Variants in ZNF217 observed in about 807,000 individuals in gnomAD.
ZNF217 encodes the protein zinc finger protein 217.
In ZNF217, 12 loss-of-function variants were observed where a neutral mutation model predicts 73.3. The ratio of observed to expected loss-of-function variants is 0.16; its 90% CI spans 0.10 to 0.27. ZNF217 has a LOEUF of 0.27. Ranked by LOEUF, ZNF217 falls within the 10% of genes least tolerant of loss-of-function variation. ZNF217 has a pLI of 1.00. For synonymous variants in ZNF217, 588 were observed against 516.4 expected, an observed-to-expected ratio of 1.14 and a Z score of -1.88; for missense variants, 1,195 against 1,327.8, an observed-to-expected ratio of 0.90 and a Z score of 1.55.
Position 53,576,466 on chromosome 20 carries a change from A to G in ZNF217, c.2298T>C (p.Pro766=). 1 of 1,614,170 alleles carries G rather than the reference A, an allele frequency of 6.2e-7. No homozygotes were observed. ...TGGGTTTACAGAAACTAGAGAGGGG[A>G]GGCACATCTTTTCCCAGCAACGCTG... ...CPPALLGKDV[P]PLSSFCKPKP... The change falls in exon 4 of 6, where the codon CCT becomes CCC. Residue 766 remains proline, a synonymous_variant. Transcript: ENST00000371471.
Position 53,581,773 on chromosome 20 carries a change from T to G in ZNF217, c.1054A>C (p.Lys352Gln). 6.2e-7 allele frequency: 1 copy of G among 1,614,250 alleles called. No individual in the cohort carries two copies. Among genetic ancestry groups the G allele is most frequent in the East Asian group, 2.2e-5 (1 of 44,884 alleles). ...AGLSQEKEKC[K>Q]HSHGEAPSVD... ...GAGGGCGCTTCGCCGTGGGAGTGTT[T>G]GCACTTCTCTTTCTCTTGCGAGAGG... Residue 352 changes from lysine to glutamine, a missense_variant, in exon 2 of 6, where the codon AAA becomes CAA. Physicochemically the swap from Lys to Gln is moderately conservative, Grantham distance 53. This residue lies in a region of ZNF217 where 102 missense variants were observed against 91.9 expected (regional missense o/e 1.11). Coordinates refer to ENST00000371471, the MANE Select transcript of ZNF217 (RefSeq NM_006526.3). The surrounding 1 kb of genome is among the most constrained non-coding windows in gnomAD (Gnocchi z 4.9).
chr20:53,567,846 T>A lies in ZNF217; in HGVS notation c.*1442A>T, dbSNP rs718890. ...GTTGCATAATTTAAAAAAAAAAAAT[T>A]TTTTCTAGGATTACCCTTGCTCTAT... is the stretch of plus-strand genomic sequence containing the variant. On this transcript the variant is annotated 3_prime_UTR_variant, in exon 6 of 6. Coordinates refer to ENST00000371471, the MANE Select transcript of ZNF217 (RefSeq NM_006526.3). 0.031 allele frequency: 4,624 copies of A among 150,698 alleles called. 192 individuals carry two copies. The highest frequency in any genetic ancestry group is 0.092 in the African/African-American group (3,772 of 41,160). 9.3% of individuals were successfully genotyped at this position (150,698 alleles called of 1,614,324 possible).
At chr20:53,595,339 G>GCATA (rs1989023742), upstream of ZNF217, among the ~76,000 whole-genome samples, 2 of 152,156 alleles carry the variant, frequency 1.3e-5, no homozygotes, top group Non-Finnish European at 2.9e-5. Context: ...CCGGCCTTCA[G>GCATA]CATATCCAAA....
chr20:53,593,878 C>CGGAGGGAG (rs1284837069), upstream of ZNF217: 2 of 76,028 alleles, frequency 2.6e-5, no homozygotes, highest in African/African-American at 4.7e-5. Context: ...GCGGGGAGGG[C>CGGAGGGAG]GGAGGGAGGG....
rs890754239 is a variant in ZNF217 at position 53,581,007 on chromosome 20, G to A, written c.1366+454C>T. On this transcript the variant is annotated intron_variant, in intron 2 of 5. Coordinates refer to ENST00000371471, the MANE Select transcript of ZNF217 (RefSeq NM_006526.3). The surrounding 1 kb of genome is among the most constrained non-coding windows in gnomAD (Gnocchi z 4.9). ...GGGGCTGTCCTGTGCACTGTACCAT[G>A]CTGAGCAGTGTCCCTGGCCTCTGCC... is the stretch of plus-strand genomic sequence containing the variant. Among the ~76,000 whole-genome samples the A allele has an allele frequency of 2.6e-5, 4 of 152,150 alleles. No homozygotes were observed. Among genetic ancestry groups the A allele is most frequent in the African/African-American group, 9.7e-5 (4 of 41,434 alleles).
At chr20:53,586,047 G>C (rs1413645490) in intron 1 of ZNF217, among the ~76,000 whole-genome samples, 4 of 152,118 alleles carry the variant, frequency 2.6e-5, no homozygotes, top group East Asian at 1.9e-4. Flanking sequence ...TATTGTGACA[G>C]CTCAAGGATG....
In ZNF217 at chr20:53,575,808, C is replaced by G; in HGVS notation, c.2956G>C (p.Val986Leu). ...SEVDSPNVLTVQKPYGGSGPL... is the reference protein window; with the variant it reads ...SEVDSPNVLTLQKPYGGSGPL... ...CCGGAGCCACCATAGGGCTTCTGAA[C>G]AGTCAGCACATTTGGAGAATCGACC... The change falls in exon 4 of 6, where the codon GTT becomes CTT. Residue 986 changes from valine to leucine, a missense_variant. Around this residue, in one of 9 missense-constraint regions of ZNF217, gnomAD observed 649 missense variants for 642.8 expected, o/e 1.01. Coordinates refer to ENST00000371471, the MANE Select transcript of ZNF217 (RefSeq NM_006526.3). 3.7e-6 allele frequency: 6 copies of G among 1,614,020 alleles called. No homozygotes were observed. The highest frequency in any genetic ancestry group is 5.1e-6 in the Non-Finnish European group (6 of 1,179,986).
intron 1 of ZNF217, among the ~76,000 whole-genome samples, chr20:53,584,171 T>C (rs1039989578): frequency 3.3e-5 from 5 of 152,252 alleles, no homozygotes; most frequent in Admixed American, 6.5e-5. Flanking sequence ...TCTGCCTTTA[T>C]GGCAAACATT....
In ZNF217 at chr20:53,576,815, G is replaced by A. The variant is rs1272620472; in HGVS notation, c.1949C>T (p.Pro650Leu). 5.0e-6 allele frequency: 8 copies of A among 1,614,218 alleles called. No homozygotes were observed. Among genetic ancestry groups the A allele is most frequent in the Admixed American group, 1.7e-5 (1 of 60,030 alleles). Residue 650 changes from proline to leucine, a missense_variant, in exon 4 of 6, where the codon CCT becomes CTT. By Grantham distance (98) the Pro-to-Leu change is moderately conservative. Transcript: ENST00000371471. ...ICRTKADVTP[P>L]PDGSTTHNLE... is the part of the protein sequence containing the mutation. ...GTTATGGGTGGTACTGCCATCCGGA[G>A]GAGGAGTAACATCCGCCTTGGTTCT... is the stretch of plus-strand genomic sequence containing the variant.
At chr20:53,571,905 A>C (rs753406096) in intron 4 of ZNF217, 52 bp from the exon 5 acceptor site, 2 of 1,556,168 alleles carry the variant, frequency 1.3e-6, no homozygotes, top group Non-Finnish European at 1.7e-6. Flanking sequence ...ATTAGGTAAG[A>C]TGTGTATAGG....
chr20:53,585,689 C>T (rs1189670282), intron 1 of ZNF217, among the ~76,000 whole-genome samples: 1 of 152,168 alleles, frequency 6.6e-6, no homozygotes, highest in East Asian at 1.9e-4. Context: ...CATCACTCTC[C>T]ACACAAGACC....
intron 1 of ZNF217, among the ~76,000 whole-genome samples, chr20:53,587,164 T>C (rs1415457434): frequency 3.3e-5 from 5 of 152,234 alleles, no homozygotes; most frequent in Non-Finnish European, 7.3e-5. Context: ...GTAGATACTT[T>C]TAAAATTTAC....
chr20:53,581,447 A>C lies in ZNF217; in HGVS notation c.1366+14T>G, dbSNP rs373466541. On this transcript the variant is annotated intron_variant, in intron 2 of 5. Coordinates refer to ENST00000371471, the MANE Select transcript of ZNF217 (RefSeq NM_006526.3). The surrounding 1 kb of genome is among the most constrained non-coding windows in gnomAD (Gnocchi z 4.9). ...ACAGGCGGAACAGCACGGGACGGAGACAGGGCAGCTTACCCAGATGGATTC... is the reference window on the plus strand; with the variant it reads ...ACAGGCGGAACAGCACGGGACGGAGCCAGGGCAGCTTACCCAGATGGATTC... The C allele has an allele frequency of 1.9e-6, 3 of 1,594,766 alleles. No individual in the cohort carries two copies. Among genetic ancestry groups the C allele is most frequent in the Non-Finnish European group, 2.6e-6 (3 of 1,168,156 alleles).
intron 3 of ZNF217, among the ~76,000 whole-genome samples, chr20:53,577,564 C>G (rs1329433022): frequency 6.6e-6 from 1 of 152,172 alleles, no homozygotes; most frequent in Non-Finnish European, 1.5e-5. Context: ...GCAAAGAAAA[C>G]TAAAAGCACA....
upstream of ZNF217, among the ~76,000 whole-genome samples, chr20:53,595,156 AG>A (rs1310884204): frequency 2.0e-5 from 3 of 152,154 alleles, no homozygotes; most frequent in South Asian, 2.1e-4. Flanking sequence ...GACAAAAAAA[AG>A]ATCCTGATTC....
At chr20:53,592,234 T>G (rs1988899170) in intron 1 of ZNF217, among the ~76,000 whole-genome samples, 1 of 152,172 alleles carries the variant, frequency 6.6e-6, no homozygotes, top group South Asian at 2.1e-4. Context: ...AGTGGACCAC[T>G]GCAACCGCCA....
upstream of ZNF217, among the ~76,000 whole-genome samples, chr20:53,595,254 A>G (rs1445464511): frequency 2.0e-5 from 3 of 152,186 alleles, no homozygotes; most frequent in Non-Finnish European, 4.4e-5. Flanking sequence ...CTACCCCAAA[A>G]TGCAAACTAA....
chr20:53,591,319 TCAC>T (rs1444701266), intron 1 of ZNF217, among the ~76,000 whole-genome samples: 4 of 152,346 alleles, frequency 2.6e-5, no homozygotes, highest in South Asian at 4.1e-4. Flanking sequence ...TGTGTGTCCT[TCAC>T]CAATAAAAGT....
Position 53,573,454 on chromosome 20 carries a change from A to ATTAT in ZNF217, c.3038-1605_3038-1602dup, listed in dbSNP as rs141473880. 1.2e-4 allele frequency among the ~76,000 whole-genome samples: 18 copies of ATTAT among 151,278 alleles called. No individual in the cohort carries two copies. In the East Asian group the frequency reaches 1.4e-3, roughly 12 times the overall value. The stretch of plus-strand genomic sequence containing the variant: ...ATCCTCCCATATACTTTACTTACTT[A>ATTAT]TTATTTATTTATTTATTTGAGACAG... On this transcript the variant is annotated intron_variant, in intron 4 of 5. Transcript: ENST00000371471.
Sources: allele counts gnomAD v4.1 joint callset (sites outside exome capture counted in the v4.1 genomes callset), GRCh38; gene constraint gnomAD v4.1.1; regional missense constraint gnomAD v4.1.1; non-coding constraint Gnocchi (gnomAD v3.1); transcripts MANE v1.5; gene names NCBI Gene and HGNC (gene_info 2026-07-23, HGNC 2026-07-21).